PHC3: variants seen among roughly 807,000 people sequenced by gnomAD.
PHC3 encodes polyhomeotic homolog 3, also known as polyhomeotic-like protein 3.
A neutral mutation model predicts 107.4 loss-of-function variants in PHC3; 13 were observed. That is an observed-to-expected ratio of 0.12 (90% CI 0.08 to 0.19). PHC3 has a LOEUF of 0.19. Ranked by LOEUF, PHC3 falls within the 10% of genes least tolerant of loss-of-function variation. PHC3 has a pLI of 1.00. For synonymous variants in PHC3, 456 were observed against 427.4 expected (o/e 1.07, Z -0.83); for missense variants, 992 against 1,210.9 (o/e 0.82, Z 2.68).
chr3:170,150,724 G>GA, intron 4 of PHC3: 1 of 421,212 alleles, frequency 2.4e-6, no homozygotes. Flanking sequence ...AAAGAGAAAA[G>GA]AAAAAAAGAA....
At chr3:170,118,342 C>T (rs1358278016) in intron 9 of PHC3, among the ~76,000 whole-genome samples, 1 of 152,160 alleles carries the variant, frequency 6.6e-6, no homozygotes, top group Admixed American at 6.5e-5. Context: ...ACCTCCCAGG[C>T]TCAGGTGATT....
intron 11 of PHC3, among the ~76,000 whole-genome samples, chr3:170,107,216 A>G (rs1278713062): frequency 7.2e-6 from 1 of 138,324 alleles, no homozygotes; most frequent in Non-Finnish European, 1.6e-5. Context: ...TCCATCTAAA[A>G]TGTAAAAAAA....
rs1179033773 is a variant in PHC3 at position 170,097,073 on chromosome 3, T to C, written c.*157A>G. Reference sequence around the variant, plus strand: ...TATGAAAATGCATGATGAATTATTATACCTGTAGAAGAAATGTCAGTATTT... The same window carrying C: ...TATGAAAATGCATGATGAATTATTACACCTGTAGAAGAAATGTCAGTATTT... On this transcript the variant is annotated 3_prime_UTR_variant, in exon 15 of 15. Coordinates refer to ENST00000495893, the MANE Select transcript of PHC3 (RefSeq NM_024947.4). The surrounding 1 kb of genome is among the most constrained non-coding windows in gnomAD (Gnocchi z 4.1). 3.5e-6 allele frequency: 2 copies of C among 571,378 alleles called. No homozygotes were observed. The highest frequency in any genetic ancestry group is 5.7e-5 in the Admixed American group (2 of 34,974). The allele number at this position is 571,378 out of a possible 1,614,324, so 35.4% of individuals were successfully genotyped here. A position where few individuals can be genotyped will look rare whatever the true frequency, so the allele number is the denominator to read the frequency against.
chr3:170,165,320 A>G (rs990822122), intron 4 of PHC3, among the ~76,000 whole-genome samples: 1 of 152,228 alleles, frequency 6.6e-6, no homozygotes, highest in South Asian at 2.1e-4. Flanking sequence ...AAATAAGATC[A>G]CCAGTCACAC....
intron 14 of PHC3, among the ~76,000 whole-genome samples, chr3:170,101,449 G>T (rs1715461400): frequency 6.6e-6 from 1 of 152,070 alleles, no homozygotes; most frequent in South Asian, 2.1e-4. Flanking sequence ...AGACTAATTA[G>T]CAACAACAGC....
At chr3:170,158,307 G>A (rs1727218775) in intron 4 of PHC3, among the ~76,000 whole-genome samples, 2 of 152,138 alleles carry the variant, frequency 1.3e-5, no homozygotes, top group Non-Finnish European at 2.9e-5. Flanking sequence ...CAGGCATGGT[G>A]AGCCAAGATT....
chr3:170,109,722 C>A (rs1401321059), intron 11 of PHC3, among the ~76,000 whole-genome samples: 1 of 152,066 alleles, frequency 6.6e-6, no homozygotes, highest in African/African-American at 2.4e-5. Flanking sequence ...CCAAGGAAGA[C>A]CATAAGCTAC....
intron 4 of PHC3, among the ~76,000 whole-genome samples, chr3:170,156,022 T>G (rs1726842632): frequency 6.6e-6 from 1 of 152,244 alleles, no homozygotes. Context: ...TTTATCATGT[T>G]AAAGCAGCTT....
Position 170,140,365 on chromosome 3 carries a change from T to C in PHC3, c.673-3700A>G, listed in dbSNP as rs570115091. ...ACCTCCTGGGTTCAAGCAATTCTCC[T>C]GCCTCAGCCTCCTGAGTAGCTAGGA... On this transcript the variant is annotated intron_variant, in intron 6 of 14. Transcript: ENST00000495893. 5.3e-5 allele frequency among the ~76,000 whole-genome samples: 8 copies of C among 151,846 alleles called. No individual in the cohort carries two copies. The East Asian group carries it at 1.6e-3, about 30-fold the overall frequency.
At chr3:170,101,988 C>A (rs76717319) in intron 14 of PHC3, among the ~76,000 whole-genome samples, 1,852 of 152,014 alleles carry the variant, frequency 0.012, 40 homozygotes, top group African/African-American at 0.042. Flanking sequence ...AAAGGACTAG[C>A]TTGATTTTTT....
chr3:170,106,183 G>C (rs1223981857), intron 12 of PHC3, among the ~76,000 whole-genome samples: 2 of 152,182 alleles, frequency 1.3e-5, no homozygotes, highest in Admixed American at 1.3e-4. Flanking sequence ...CTGCACTCCA[G>C]CCTGGGCTAT....
intron 6 of PHC3, among the ~76,000 whole-genome samples, chr3:170,139,806 CAT>C (rs1332976601): frequency 6.6e-6 from 1 of 152,126 alleles, no homozygotes; most frequent in Non-Finnish European, 1.5e-5. Flanking sequence ...GAAAAGATAA[CAT>C]ATACGGATTT....
At chr3:170,128,360 G>A in intron 8 of PHC3, 1 of 1,303,440 alleles carries the variant, frequency 7.7e-7, no homozygotes, top group Non-Finnish European at 9.9e-7. Flanking sequence ...AAAACTTTGT[G>A]CAGATGACAC....
Position 170,172,665 on chromosome 3 carries a change from G to A in PHC3, c.228C>T (p.Tyr76=). 1 of 1,612,900 alleles carries A rather than the reference G, an allele frequency of 6.2e-7. No homozygotes were observed. Among genetic ancestry groups the A allele is most frequent in the South Asian group, 1.1e-5 (1 of 91,002 alleles). ...GTTGGGCTGCATACATTTGCTGAAG[G>A]TACTGAGCAGCTGAGCTGGGGGGCC... ...LHRPPSSAAQ[Y]LQQMYAAQQQ... The change falls in exon 3 of 15, where the codon TAC becomes TAT. Residue 76 remains tyrosine, a synonymous_variant. Transcript: ENST00000495893.
At chr3:170,176,603 T>C (rs1056165270) in intron 2 of PHC3, among the ~76,000 whole-genome samples, 1 of 152,220 alleles carries the variant, frequency 6.6e-6, no homozygotes, top group Admixed American at 6.5e-5. Context: ...GAAAGTTATT[T>C]AGCTGATTTA....
At chr3:170,105,862 A>T (rs1023173052) in intron 12 of PHC3, among the ~76,000 whole-genome samples, 1 of 152,182 alleles carries the variant, frequency 6.6e-6, no homozygotes, top group African/African-American at 2.4e-5. Flanking sequence ...TTTAACATAA[A>T]CCAAACTTGG....
At chr3:170,126,213 C>A (rs1329998879) in intron 8 of PHC3, among the ~76,000 whole-genome samples, 1 of 151,566 alleles carries the variant, frequency 6.6e-6, no homozygotes, top group African/African-American at 2.4e-5. Context: ...AAAAATATAA[C>A]CTGTGAAGAA....
chr3:170,115,354 G>A (rs1245939460), intron 10 of PHC3, among the ~76,000 whole-genome samples: 3 of 148,142 alleles, frequency 2.0e-5, no homozygotes, highest in East Asian at 3.9e-4. Flanking sequence ...TTGATTATAT[G>A]TATGTATCTA....
intron 4 of PHC3, among the ~76,000 whole-genome samples, chr3:170,161,512 C>G (rs1009446801): frequency 2.0e-5 from 3 of 152,080 alleles, no homozygotes; most frequent in Non-Finnish European, 4.4e-5. Context: ...ATGTGCAGTT[C>G]AAAATAGGGT....
Sources: gnomAD v4.1 joint callset for allele counts (sites outside exome capture counted in the v4.1 genomes callset) on GRCh38, gnomAD v4.1.1 for gene constraint, Gnocchi (gnomAD v3.1) non-coding constraint, MANE v1.5 for transcripts, NCBI Gene and HGNC (gene_info 2026-07-23, HGNC 2026-07-21) for gene names.